The following KIAA1328 variants were observed in gnomAD, a reference collection of about 807,000 sequenced individuals.
KIAA1328 encodes the protein protein hinderin.
A neutral mutation model predicts 68.1 loss-of-function variants in KIAA1328; 52 were observed. That is an observed-to-expected ratio of 0.76 (90% CI 0.61 to 0.96). KIAA1328 has a LOEUF of 0.96. Among genes scored for constraint, KIAA1328 ranks in the 40% least tolerant of loss-of-function variants. KIAA1328 has a pLI of 0.00. For missense variants in KIAA1328, 641 were observed against 677.6 expected, an observed-to-expected ratio of 0.95 and a Z score of 0.60; for synonymous variants, 232 against 239.4, an observed-to-expected ratio of 0.97 and a Z score of 0.28.
chr18:37,054,873 G>A (rs1357720938), intron 6 of KIAA1328, among the ~76,000 whole-genome samples: 2 of 152,180 alleles, frequency 1.3e-5, no homozygotes, highest in Admixed American at 1.3e-4. Context: ...TAAAAATGTT[G>A]ACAGGCCAGA....
intron 5 of KIAA1328, among the ~76,000 whole-genome samples, chr18:36,891,455 T>C: frequency 6.6e-6 from 1 of 152,112 alleles, no homozygotes; most frequent in East Asian, 1.9e-4. Flanking sequence ...CCTCACCCAC[T>C]TTCACTCTTC....
chr18:37,028,757 T>C (rs1003400206), intron 6 of KIAA1328, among the ~76,000 whole-genome samples: 1 of 152,168 alleles, frequency 6.6e-6, no homozygotes, highest in Non-Finnish European at 1.5e-5. Context: ...TGAAAATCTT[T>C]TCTGTGTCTA....
chr18:37,133,404 A>G (rs11081989), intron 7 of KIAA1328, among the ~76,000 whole-genome samples: 1 of 151,878 alleles, frequency 6.6e-6, no homozygotes, highest in Non-Finnish European at 1.5e-5. Context: ...CTGGAATAGT[A>G]GAGTTTTTTA....
rs544601079 is a variant in KIAA1328 at position 37,100,140 on chromosome 18, G to T, written c.1232+32595G>T. On this transcript the variant is annotated intron_variant, in intron 7 of 9. Coordinates refer to ENST00000280020, the MANE Select transcript of KIAA1328 (RefSeq NM_020776.3). The stretch of plus-strand genomic sequence containing the variant: ...TCTGCATTTCCAACTGAGGTACCAG[G>T]TTCATCTCACTGGGGAGTGTTGAAC... Among the ~76,000 whole-genome samples the T allele has an allele frequency of 2.6e-5, 4 of 152,282 alleles. No individual in the cohort carries two copies. The South Asian group carries it at 8.3e-4, about 32-fold the overall frequency.
chr18:37,026,992 A>G (rs2054609387), intron 6 of KIAA1328, among the ~76,000 whole-genome samples: 2 of 152,178 alleles, frequency 1.3e-5, no homozygotes, highest in African/African-American at 2.4e-5. Flanking sequence ...TCAGCCCAAA[A>G]TCTCCTTAAG....
downstream of KIAA1328, among the ~76,000 whole-genome samples, chr18:37,225,574 T>G (rs77777801): frequency 3.7e-4 from 56 of 152,342 alleles, 1 homozygote; most frequent in East Asian, 9.5e-3. Flanking sequence ...CTAGATTTTG[T>G]GCTTGTTGGA....
intron 7 of KIAA1328, among the ~76,000 whole-genome samples, chr18:37,112,901 G>C (rs2057977640): frequency 6.6e-6 from 1 of 152,188 alleles, no homozygotes; most frequent in Non-Finnish European, 1.5e-5. Flanking sequence ...GTGGAAGAAA[G>C]GGTGTCAGTG....
chr18:37,064,033 G>A (rs1175340343), intron 6 of KIAA1328, among the ~76,000 whole-genome samples: 1 of 152,152 alleles, frequency 6.6e-6, no homozygotes, highest in Non-Finnish European at 1.5e-5. Context: ...CTGGCAGTAA[G>A]TACTATAGAA....
chr18:37,039,480 T>G (rs1232065126), intron 6 of KIAA1328, among the ~76,000 whole-genome samples: 1 of 151,904 alleles, frequency 6.6e-6, no homozygotes, highest in Non-Finnish European at 1.5e-5. Context: ...TGGCGCAATC[T>G]CGGCTCACTG....
At chr18:36,977,768 TTTTTA>T (rs758822898) in intron 6 of KIAA1328, among the ~76,000 whole-genome samples, 1 of 152,032 alleles carries the variant, frequency 6.6e-6, no homozygotes, top group South Asian at 2.1e-4. Flanking sequence ...CTGTGAAGGT[TTTTTA>T]TTTTATTTTA....
intron 6 of KIAA1328, among the ~76,000 whole-genome samples, chr18:37,041,371 T>C (rs1185637941): frequency 6.6e-6 from 1 of 152,122 alleles, no homozygotes; most frequent in Admixed American, 6.5e-5. Flanking sequence ...TTCTCTTTTA[T>C]TTACTATTTG....
In KIAA1328 at chr18:37,219,934, G is replaced by T. The variant is rs139374833; in HGVS notation, c.1524-2083G>T. ...TCGATCACACTGGGAGCTGCAGACT[G>T]GTGCTGTTCCTATTCAGCCATCTTG... On this transcript the variant is annotated intron_variant, in intron 9 of 9. Transcript: ENST00000280020. 2.5e-3 allele frequency among the ~76,000 whole-genome samples: 379 copies of T among 152,256 alleles called. 1 individual carries two copies. Among genetic ancestry groups the T allele is most frequent in the African/African-American group, 8.8e-3 (364 of 41,546 alleles).
At chr18:37,065,025 A>G (rs1377174770) in intron 6 of KIAA1328, among the ~76,000 whole-genome samples, 1 of 152,196 alleles carries the variant, frequency 6.6e-6, no homozygotes, top group Admixed American at 6.5e-5. Context: ...CAGTAGTTGT[A>G]ATATATTTGT....
chr18:37,176,159 A>G (rs1403037318), intron 9 of KIAA1328, among the ~76,000 whole-genome samples: 1 of 152,230 alleles, frequency 6.6e-6, no homozygotes, highest in African/African-American at 2.4e-5. Flanking sequence ...TCCTACAGCA[A>G]TCCATCACTT....
chr18:37,022,148 T>C (rs1021601268), intron 6 of KIAA1328, among the ~76,000 whole-genome samples: 2 of 152,236 alleles, frequency 1.3e-5, no homozygotes, highest in South Asian at 2.1e-4. Flanking sequence ...ATGTGCCTCA[T>C]TGAAATTAAA....
chr18:36,839,490 A>AT (rs2046788364), intron 3 of KIAA1328, among the ~76,000 whole-genome samples: 1 of 152,186 alleles, frequency 6.6e-6, no homozygotes, highest in African/African-American at 2.4e-5. Flanking sequence ...CATAGTTATA[A>AT]TAACTGTTTC....
chr18:36,877,931 T>C (rs1171696120), intron 4 of KIAA1328, among the ~76,000 whole-genome samples: 1 of 152,118 alleles, frequency 6.6e-6, no homozygotes, highest in Non-Finnish European at 1.5e-5. Flanking sequence ...CCTCCCAAAG[T>C]GCTGGGATTA....
At chr18:37,178,497 C>T (rs780510325) in intron 9 of KIAA1328, among the ~76,000 whole-genome samples, 12 of 152,080 alleles carry the variant, frequency 7.9e-5, no homozygotes, top group Non-Finnish European at 1.2e-4. Context: ...TTTATGGACA[C>T]TTAGGTTGAT....
At chr18:37,092,232 C>T (rs964564924) in intron 7 of KIAA1328, among the ~76,000 whole-genome samples, 1 of 152,046 alleles carries the variant, frequency 6.6e-6, no homozygotes, top group African/African-American at 2.4e-5. Flanking sequence ...CCAAGTGCAC[C>T]ATAGGAAGGC....
Sources: gnomAD v4.1 joint callset for allele counts (sites outside exome capture counted in the v4.1 genomes callset) on GRCh38, gnomAD v4.1.1 for gene constraint, MANE v1.5 for transcripts, NCBI Gene and HGNC (gene_info 2026-07-23, HGNC 2026-07-21) for gene names.